The following PLA2G2C variants were observed in gnomAD, a reference collection of about 807,000 sequenced individuals.
PLA2G2C encodes phospholipase A2 group IIC.
Under a neutral mutation model 14.3 loss-of-function variants are expected in PLA2G2C, and 15 were observed. The observed-to-expected ratio is 1.05, with a 90% CI of 0.70 to 1.62. The LOEUF is 1.62. Among genes scored for constraint, PLA2G2C ranks in the 40% most tolerant of loss-of-function variants. PLA2G2C has a pLI of 0.00. For synonymous variants in PLA2G2C, 79 were observed against 67.7 expected (o/e 1.17, Z -0.82); for missense variants, 162 against 173.2 (o/e 0.94, Z 0.36).
At chr1:20,170,175 C>T (rs1255567435) in intron 4 of PLA2G2C, among the ~76,000 whole-genome samples, 1 of 152,244 alleles carries the variant, frequency 6.6e-6, no homozygotes, top group African/African-American at 2.4e-5. Context: ...GCATCTATCA[C>T]AGAGGCTCAT....
At chr1:20,169,381 T>C (rs906508176) in intron 4 of PLA2G2C, among the ~76,000 whole-genome samples, 9 of 152,220 alleles carry the variant, frequency 5.9e-5, no homozygotes, top group Middle Eastern at 6.8e-3. Flanking sequence ...GGTCTCACTG[T>C]GTTGCCCAGG....
At chr1:20,164,973 G>A (rs1401467672) in intron 4 of PLA2G2C, among the ~76,000 whole-genome samples, 1 of 152,236 alleles carries the variant, frequency 6.6e-6, no homozygotes, top group Admixed American at 6.5e-5. Context: ...TGTAACCCGA[G>A]TTACGTTCAC....
intron 4 of PLA2G2C, among the ~76,000 whole-genome samples, chr1:20,170,545 A>G (rs1230742898): frequency 1.3e-5 from 2 of 152,008 alleles, no homozygotes; most frequent in Non-Finnish European, 2.9e-5. Flanking sequence ...AAGTAAACCA[A>G]TGGGCCTGGG....
chr1:20,185,026 C>G (rs1205606437), intron 1 of PLA2G2C, among the ~76,000 whole-genome samples: 2 of 152,054 alleles, frequency 1.3e-5, no homozygotes, highest in African/African-American at 4.8e-5. Context: ...TGGTGGTGCA[C>G]GCCTGTAGTC....
At chr1:20,168,699 T>C (rs749909263) in intron 4 of PLA2G2C, among the ~76,000 whole-genome samples, 3 of 152,250 alleles carry the variant, frequency 2.0e-5, no homozygotes, top group African/African-American at 4.8e-5. Context: ...GAGATGCAGA[T>C]GATGGAGTTT....
chr1:20,179,212 CTGTGTGTG>C (rs35377696), intron 1 of PLA2G2C, among the ~76,000 whole-genome samples: 6 of 149,860 alleles, frequency 4.0e-5, no homozygotes, highest in South Asian at 2.1e-4. Context: ...GTCAGTTTCT[CTGTGTGTG>C]TGTGTGTGTG....
At chr1:20,178,594 T>C (rs942436500) in intron 1 of PLA2G2C, among the ~76,000 whole-genome samples, 7 of 152,164 alleles carry the variant, frequency 4.6e-5, no homozygotes, top group Admixed American at 4.6e-4. Context: ...TTAGGTTCTG[T>C]CTCTACAGGC....
At chr1:20,183,243 C>T (rs145804415) in intron 1 of PLA2G2C, among the ~76,000 whole-genome samples, 19 of 152,240 alleles carry the variant, frequency 1.2e-4, no homozygotes, top group Admixed American at 9.2e-4. Flanking sequence ...TGACATCCAG[C>T]GAAGGTAAAT....
At chr1:20,179,705 C>T (rs1379142359) in intron 1 of PLA2G2C, among the ~76,000 whole-genome samples, 5 of 145,340 alleles carry the variant, frequency 3.4e-5, no homozygotes, top group African/African-American at 1.3e-4. Flanking sequence ...GTCAGCTTCT[C>T]CCTTGTGTGT....
At chr1:20,173,895 G>T (rs1318100197) in intron 3 of PLA2G2C, among the ~76,000 whole-genome samples, 1 of 152,216 alleles carries the variant, frequency 6.6e-6, no homozygotes, top group Non-Finnish European at 1.5e-5. Context: ...GACTTTGACA[G>T]GGGAGGCACA....
chr1:20,185,677 A>T (rs1042492709), intron 1 of PLA2G2C, among the ~76,000 whole-genome samples: 1 of 152,122 alleles, frequency 6.6e-6, no homozygotes, highest in Non-Finnish European at 1.5e-5. Flanking sequence ...AGAAGCATCC[A>T]CTCAGAGTTT....
intron 4 of PLA2G2C, among the ~76,000 whole-genome samples, chr1:20,172,153 G>A (rs191255747): frequency 1.1e-3 from 171 of 152,232 alleles, no homozygotes; most frequent in Middle Eastern, 3.4e-3. Flanking sequence ...TGGTGCTCAC[G>A]AAAGACTACT....
intron 4 of PLA2G2C, among the ~76,000 whole-genome samples, chr1:20,167,214 C>T (rs1384327527): frequency 3.9e-5 from 6 of 152,128 alleles, no homozygotes; most frequent in Admixed American, 3.3e-4. Flanking sequence ...TCTGAATACT[C>T]CCAACTTCTC....
chr1:20,165,711 C>CATG (rs2017963717), intron 4 of PLA2G2C, among the ~76,000 whole-genome samples: 1 of 147,670 alleles, frequency 6.8e-6, no homozygotes. Context: ...CATGCGTGTG[C>CATG]CTGTGTGCAT....
intron 4 of PLA2G2C, among the ~76,000 whole-genome samples, chr1:20,170,630 G>T (rs1258704466): frequency 2.6e-5 from 4 of 152,134 alleles, no homozygotes; most frequent in African/African-American, 9.7e-5. Context: ...CCTGGGGGCA[G>T]GGGCTTGGCA....
intron 2 of PLA2G2C, among the ~76,000 whole-genome samples, chr1:20,176,571 C>T (rs1006183073): frequency 2.0e-5 from 3 of 152,240 alleles, no homozygotes; most frequent in Non-Finnish European, 4.4e-5. Context: ...GCTGCCCAAG[C>T]AGTCCCTGGA....
intron 4 of PLA2G2C, 74 bp from the exon 5 acceptor site, chr1:20,164,231 G>C: frequency 2.7e-6 from 4 of 1,470,800 alleles, no homozygotes; most frequent in Non-Finnish European, 3.7e-6. Flanking sequence ...GGGGAGAACT[G>C]GGAGCTCACT....
chr1:20,177,450 ACAAAATGAC>A lies in PLA2G2C; in HGVS notation c.-76-20_-76-12del. 3.3e-6 allele frequency: 2 copies of A among 598,944 alleles called. No individual in the cohort carries two copies. Among genetic ancestry groups the A allele is most frequent in the South Asian group, 4.0e-5 (2 of 50,428 alleles). The allele number at this position is 598,944 out of a possible 1,614,324, so 37.1% of individuals were successfully genotyped here. On this transcript the variant is annotated splice_polypyrimidine_tract_variant and intron_variant, in intron 1 of 4. Coordinates refer to ENST00000679259, the MANE Select transcript of PLA2G2C (RefSeq NM_001367969.2). ...CTCCCAGCTGAACCTCTGTTCCAGG[ACAAAATGAC>A]CAAAATGAGGCAAGGGTATTTGGGT...
chr1:20,164,880 A>C (rs1204739119), intron 4 of PLA2G2C, among the ~76,000 whole-genome samples: 3 of 152,130 alleles, frequency 2.0e-5, no homozygotes, highest in Non-Finnish European at 2.9e-5. Context: ...TCTTCTCTCT[A>C]TGTCTTTGGC....
Sources: gnomAD v4.1 joint callset for allele counts (sites outside exome capture counted in the v4.1 genomes callset) on GRCh38, gnomAD v4.1.1 for gene constraint, MANE v1.5 for transcripts, NCBI Gene and HGNC (gene_info 2026-07-23, HGNC 2026-07-21) for gene names.